POLD3: variants seen among roughly 807,000 people sequenced by gnomAD.
POLD3 encodes DNA polymerase delta 3, accessory subunit.
POLD3 carries 19 observed loss-of-function variants against 58.2 expected under a neutral mutation model. The observed-to-expected ratio is 0.33, with a 90% confidence interval of 0.23 to 0.48. The LOEUF is 0.48. Ranked by LOEUF, POLD3 falls within the 20% of genes least tolerant of loss-of-function variation. POLD3 has a pLI of 0.99. For synonymous variants in POLD3, 172 were observed against 193.5 expected (o/e 0.89, Z 0.92); for missense variants, 504 against 545.5 (o/e 0.92, Z 0.76).
rs960010350 is a variant in POLD3 at position 74,668,818 on chromosome 11, C to G, written c.412C>G (p.His138Asp). 14 of 1,284,538 alleles carry G rather than the reference C, an allele frequency of 1.1e-5. No individual in the cohort carries two copies. The African/African-American group carries it at 1.7e-4, about 15-fold the overall frequency. 79.6% of individuals were successfully genotyped at this position (1,284,538 alleles called of 1,614,324 possible). A position where few individuals can be genotyped will look rare whatever the true frequency, so the allele number is the denominator to read the frequency against. Residue 138 changes from histidine (H) to aspartate (D), a missense_variant, in exon 5 of 5, where the codon CAT becomes GAT. Coordinates refer to the POLD3 transcript ENST00000524752. ...GTCCCACTCACTAGACATTTTGGAG[C>G]ATTACGTGGAAATGCCCATCCAGCG... is the stretch of plus-strand genomic sequence containing the variant.
At chr11:74,622,169 T>C (rs962152921) in intron 7 of POLD3, among the ~76,000 whole-genome samples, 2 of 152,136 alleles carry the variant, frequency 1.3e-5, no homozygotes, top group African/African-American at 4.8e-5. Context: ...TGATTTCCAA[T>C]TTCATCCGTG....
intron 7 of POLD3, among the ~76,000 whole-genome samples, chr11:74,623,964 T>G (rs2032347725): frequency 6.6e-6 from 1 of 152,244 alleles, no homozygotes; most frequent in African/African-American, 2.4e-5. Flanking sequence ...ATCTAATGTT[T>G]GATCAGTGGC....
intron 2 of POLD3, among the ~76,000 whole-genome samples, chr11:74,599,821 A>G (rs1413502951): frequency 1.3e-5 from 2 of 152,154 alleles, no homozygotes; most frequent in African/African-American, 2.4e-5. Flanking sequence ...TGGGCAATAC[A>G]CTGTACTCAT....
intron 4 of POLD3, among the ~76,000 whole-genome samples, chr11:74,660,095 G>C (rs1258603869): frequency 6.6e-6 from 1 of 152,178 alleles, no homozygotes; most frequent in South Asian, 2.1e-4. Context: ...GGAGGCAAAA[G>C]GCACTTCTTA....
At chr11:74,611,832 CTG>C (rs915450518) in intron 4 of POLD3, among the ~76,000 whole-genome samples, 4 of 152,180 alleles carry the variant, frequency 2.6e-5, no homozygotes, top group Admixed American at 6.5e-5. Context: ...ACCTCATCAA[CTG>C]TGAAAAGACA....
intron 3 of POLD3, among the ~76,000 whole-genome samples, chr11:74,610,061 T>C (rs2031854302): frequency 6.6e-6 from 1 of 152,246 alleles, no homozygotes; most frequent in African/African-American, 2.4e-5. Flanking sequence ...TGTGTACTTT[T>C]GTTGGATGTT....
chr11:74,611,614 C>A, intron 4 of POLD3, 76 bp downstream of exon 4: 1 of 757,122 alleles, frequency 1.3e-6, no homozygotes. Flanking sequence ...CTGCCTCTAA[C>A]ATCTGCGTAT....
chr11:74,628,551 G>T (rs1239999546), intron 8 of POLD3, among the ~76,000 whole-genome samples: 1 of 152,132 alleles, frequency 6.6e-6, no homozygotes, highest in Non-Finnish European at 1.5e-5. Context: ...GTGTGATGGA[G>T]TATCCATTCA....
Position 74,641,657 on chromosome 11 carries a change from C to T in POLD3, c.*891C>T, listed in dbSNP as rs2032917481. The T allele has an allele frequency of 1.0e-6, 1 of 984,970 alleles. No individual in the cohort carries two copies. Among genetic ancestry groups the T allele is most frequent in the African/African-American group, 1.7e-5 (1 of 57,192 alleles). 61.0% of individuals were successfully genotyped at this position (984,970 alleles called of 1,614,324 possible). On this transcript the variant is annotated 3_prime_UTR_variant, in exon 12 of 12. Coordinates refer to ENST00000263681, the MANE Select transcript of POLD3 (RefSeq NM_006591.3). Reference sequence around the variant, plus strand: ...TGAGATAAAGACTAAAAAGAGAAATCCCTTCCTATATACAGTGTGCTACAT... The same window carrying T: ...TGAGATAAAGACTAAAAAGAGAAATTCCTTCCTATATACAGTGTGCTACAT...
Position 74,602,822 on chromosome 11 carries a change from T to G in POLD3, c.117-1870T>G, listed in dbSNP as rs557242985. Among the ~76,000 whole-genome samples the G allele has an allele frequency of 3.3e-5, 5 of 152,358 alleles. No homozygotes were observed. In the South Asian group the frequency reaches 8.3e-4, roughly 25 times the overall value. On this transcript the variant is annotated intron_variant, in intron 2 of 11. Transcript: ENST00000263681. ...TATTCCACTACAGCACACTGGCCTT[T>G]CTGTTCCTTGGATCTTGCTGACCTT...
chr11:74,622,649 C>CT (rs1487699872), intron 7 of POLD3, among the ~76,000 whole-genome samples: 1 of 152,206 alleles, frequency 6.6e-6, no homozygotes, highest in Non-Finnish European at 1.5e-5. Context: ...AGAGAGTTCA[C>CT]TGTGGGGACT....
intron 11 of POLD3, among the ~76,000 whole-genome samples, chr11:74,639,665 T>C (rs1317810130): frequency 6.6e-6 from 1 of 150,816 alleles, no homozygotes; most frequent in Non-Finnish European, 1.5e-5. Flanking sequence ...CTCGGTTATG[T>C]GACGTCATGG....
At chr11:74,647,682 C>T (rs925372265), downstream of POLD3, among the ~76,000 whole-genome samples, 6 of 152,152 alleles carry the variant, frequency 3.9e-5, no homozygotes, top group African/African-American at 1.4e-4. Context: ...ATGACAAGTT[C>T]TCTGCCTTCC....
chr11:74,604,224 G>A (rs1392420399), intron 2 of POLD3, among the ~76,000 whole-genome samples: 3 of 152,150 alleles, frequency 2.0e-5, no homozygotes, highest in Non-Finnish European at 4.4e-5. Flanking sequence ...TGAAACTTTA[G>A]GATTGGAGGG....
intron 4 of POLD3, among the ~76,000 whole-genome samples, chr11:74,662,756 G>A (rs2033219984): frequency 6.6e-6 from 1 of 152,094 alleles, no homozygotes; most frequent in African/African-American, 2.4e-5. Context: ...ACTTGCCTAG[G>A]AGTTGCAGTC....
chr11:74,641,850 A>G lies in POLD3; in HGVS notation c.*1084A>G. 1.0e-6 allele frequency: 1 copy of G among 985,318 alleles called. No individual in the cohort carries two copies. The highest frequency in any genetic ancestry group is 1.2e-6 in the Non-Finnish European group (1 of 829,840). 61.0% of individuals were successfully genotyped at this position (985,318 alleles called of 1,614,324 possible). ...ACAGGCTCCCTAAGAGAGGATGGAG[A>G]GGGAGAGACTGAATTGTTAGTAGGT... On this transcript the variant is annotated 3_prime_UTR_variant, in exon 12 of 12. Transcript: ENST00000263681.
chr11:74,631,518 C>T (rs1228280752), intron 9 of POLD3, among the ~76,000 whole-genome samples: 5 of 124,480 alleles, frequency 4.0e-5, no homozygotes, highest in African/African-American at 6.1e-5. Context: ...CTTGCTCTGT[C>T]GCCCAGGCTG....
intron 4 of POLD3, among the ~76,000 whole-genome samples, chr11:74,649,427 G>C (rs888799431): frequency 5.3e-5 from 8 of 152,164 alleles, no homozygotes; most frequent in Non-Finnish European, 1.2e-4. Context: ...CTTAGTGTAA[G>C]TTTTTTCCAG....
chr11:74,594,620 T>C (rs1457199150), intron 2 of POLD3, among the ~76,000 whole-genome samples: 2 of 152,248 alleles, frequency 1.3e-5, no homozygotes, highest in African/African-American at 4.8e-5. Context: ...CTATAAGTGT[T>C]TATATGAACA....
Sources: allele counts gnomAD v4.1 joint callset (sites outside exome capture counted in the v4.1 genomes callset), GRCh38; gene constraint gnomAD v4.1.1; transcripts MANE v1.5; gene names NCBI Gene and HGNC (gene_info 2026-07-23, HGNC 2026-07-21).